CORIN: variants seen among roughly 807,000 people sequenced by gnomAD.
The protein encoded by CORIN is atrial natriuretic peptide-converting enzyme.
Under a neutral mutation model 125.3 loss-of-function variants are expected in CORIN, and 117 were observed. That is an observed-to-expected ratio of 0.93 (90% confidence interval 0.80 to 1.09). The LOEUF is 1.09. Among genes scored for constraint, CORIN ranks in the 50% least tolerant of loss-of-function variants. The pLI is 0.00. For synonymous variants in CORIN, 450 were observed against 466.4 expected, an observed-to-expected ratio of 0.96 and a Z score of 0.45; for missense variants, 1,253 against 1,306.7, an observed-to-expected ratio of 0.96 and a Z score of 0.63.
At chr4:47,793,929 T>C (rs376421119) in intron 2 of CORIN, among the ~76,000 whole-genome samples, 1 of 152,280 alleles carries the variant, frequency 6.6e-6, no homozygotes, top group African/African-American at 2.4e-5. Context: ...TGCTCGTCCA[T>C]GGGCCACACT....
intron 19 of CORIN, among the ~76,000 whole-genome samples, chr4:47,615,389 C>T (rs1325561101): frequency 6.6e-6 from 1 of 152,112 alleles, no homozygotes; most frequent in Admixed American, 6.5e-5. Flanking sequence ...TCAAAAAAAG[C>T]CAAATAGGAA....
chr4:47,673,096 C>T (rs949387719), intron 10 of CORIN, among the ~76,000 whole-genome samples: 3 of 151,920 alleles, frequency 2.0e-5, no homozygotes, highest in Admixed American at 6.6e-5. Flanking sequence ...TGCAGTGGCT[C>T]GCGCCTGTAA....
intron 5 of CORIN, chr4:47,706,900 G>A (rs1045293691): frequency 1.6e-5 from 26 of 1,599,388 alleles, no homozygotes; most frequent in Non-Finnish European, 2.0e-5. Context: ...GCCTTGGAAA[G>A]GGCCATAAGT....
At chr4:47,619,181 C>T (rs1722202404) in intron 19 of CORIN, among the ~76,000 whole-genome samples, 1 of 152,178 alleles carries the variant, frequency 6.6e-6, no homozygotes, top group East Asian at 1.9e-4. Flanking sequence ...CGAATTGTCA[C>T]TAGGACATAT....
At chr4:47,617,072 A>G (rs978263175) in intron 19 of CORIN, among the ~76,000 whole-genome samples, 1 of 152,186 alleles carries the variant, frequency 6.6e-6, no homozygotes, top group Non-Finnish European at 1.5e-5. Flanking sequence ...ACATGATGGC[A>G]TCTATTTTAT....
chr4:47,761,008 T>C (rs145250618), intron 4 of CORIN, among the ~76,000 whole-genome samples: 5 of 152,386 alleles, frequency 3.3e-5, no homozygotes, highest in Admixed American at 1.3e-4. Context: ...AGTTACAATC[T>C]TGCTCTAGAT....
chr4:47,676,990 C>T (rs1577814525), intron 9 of CORIN, among the ~76,000 whole-genome samples: 1 of 152,186 alleles, frequency 6.6e-6, no homozygotes. Context: ...AGGTCTTGGG[C>T]ATTTTTCCAT....
chr4:47,641,311 A>G (rs1310432620), intron 16 of CORIN, among the ~76,000 whole-genome samples: 2 of 152,226 alleles, frequency 1.3e-5, no homozygotes, highest in East Asian at 3.8e-4. Flanking sequence ...AGAAATACTT[A>G]CACATTCTAA....
At chr4:47,726,256 A>T (rs1444978119) in intron 5 of CORIN, among the ~76,000 whole-genome samples, 2 of 152,124 alleles carry the variant, frequency 1.3e-5, no homozygotes, top group Non-Finnish European at 1.5e-5. Flanking sequence ...ACTGTAAGTG[A>T]ATGTTTATAG....
chr4:47,834,330 T>C (rs750791389), intron 1 of CORIN, among the ~76,000 whole-genome samples: 3 of 152,134 alleles, frequency 2.0e-5, no homozygotes, highest in African/African-American at 4.8e-5. Flanking sequence ...GAGGACACTA[T>C]GCTAAGTGAA....
chr4:47,680,001 G>A (rs1375853084), intron 8 of CORIN, 140 bp downstream of exon 8: 4 of 591,584 alleles, frequency 6.8e-6, no homozygotes, highest in African/African-American at 5.6e-5. Context: ...GATCTTTACA[G>A]GCTAGAACCA....
intron 2 of CORIN, among the ~76,000 whole-genome samples, chr4:47,799,378 G>T (rs1022229072): frequency 6.6e-6 from 1 of 152,082 alleles, no homozygotes; most frequent in Non-Finnish European, 1.5e-5. Context: ...AGTGACTGAA[G>T]TAATTTACAT....
intron 2 of CORIN, among the ~76,000 whole-genome samples, chr4:47,792,994 A>G (rs1731144608): frequency 6.6e-6 from 1 of 152,236 alleles, no homozygotes; most frequent in Non-Finnish European, 1.5e-5. Flanking sequence ...AAAACAATAG[A>G]TAACAGAGAA....
intron 5 of CORIN, among the ~76,000 whole-genome samples, chr4:47,702,657 C>T (rs1231693512): frequency 6.6e-6 from 1 of 152,124 alleles, no homozygotes; most frequent in East Asian, 1.9e-4. Context: ...TATGTATTGG[C>T]TATTTAAAAG....
intron 17 of CORIN, among the ~76,000 whole-genome samples, chr4:47,624,601 T>A (rs573959180): frequency 1.3e-5 from 2 of 152,304 alleles, no homozygotes; most frequent in African/African-American, 2.4e-5. Context: ...TGATCAGAAC[T>A]AGTAGGTGCA....
At chr4:47,671,973 G>A (rs917188244) in intron 10 of CORIN, among the ~76,000 whole-genome samples, 1 of 152,180 alleles carries the variant, frequency 6.6e-6, no homozygotes, top group Non-Finnish European at 1.5e-5. Flanking sequence ...AGGTGCAAAC[G>A]TTTGCTGAAT....
At chr4:47,661,364 T>G (rs931289194) in intron 12 of CORIN, 6 of 172,498 alleles carry the variant, frequency 3.5e-5, no homozygotes, top group Non-Finnish European at 7.3e-5. Flanking sequence ...AAAGGATAAA[T>G]GCTTGGGGTG....
chr4:47,705,894 GTATT>G (rs1328345750), intron 5 of CORIN, among the ~76,000 whole-genome samples: 1 of 152,126 alleles, frequency 6.6e-6, no homozygotes, highest in African/African-American at 2.4e-5. Flanking sequence ...TGTGTTTTCA[GTATT>G]TATTTTAAAA....
chr4:47,748,949 A>G (rs1255410868), intron 4 of CORIN, among the ~76,000 whole-genome samples: 1 of 152,202 alleles, frequency 6.6e-6, no homozygotes, highest in African/African-American at 2.4e-5. Context: ...GAACCAGGAC[A>G]TTAGCATTGA....
Sources: gnomAD v4.1 joint callset for allele counts (sites outside exome capture counted in the v4.1 genomes callset) on GRCh38, gnomAD v4.1.1 for gene constraint, MANE v1.5 for transcripts, NCBI Gene and HGNC (gene_info 2026-07-23, HGNC 2026-07-21) for gene names.